RIN2: variants seen among roughly 807,000 people sequenced by gnomAD.
RIN2 encodes Ras and Rab interactor 2.
A neutral mutation model predicts 78.0 loss-of-function variants in RIN2; 36 were observed. That is an observed-to-expected ratio of 0.46 (90% confidence interval 0.35 to 0.61). RIN2 has a LOEUF of 0.61. RIN2 is among the 20% of genes least tolerant of loss of function. The pLI is 0.00. For missense variants in RIN2, 1,087 were observed against 1,159.7 expected (o/e 0.94, Z 0.91); for synonymous variants, 466 against 466.8 (o/e 1.00, Z 0.02).
intron 3 of RIN2, among the ~76,000 whole-genome samples, chr20:19,915,070 G>A (rs748514962): frequency 2.0e-5 from 3 of 152,166 alleles, no homozygotes; most frequent in African/African-American, 7.2e-5. Flanking sequence ...CTAAGATGGA[G>A]CGAATCCCAG....
chr20:19,973,513 G>C (rs1208266166), intron 8 of RIN2, among the ~76,000 whole-genome samples: 1 of 152,208 alleles, frequency 6.6e-6, no homozygotes, highest in Non-Finnish European at 1.5e-5. Flanking sequence ...TCCAGGCCAG[G>C]CACAGTGGCT....
intron 1 of RIN2, among the ~76,000 whole-genome samples, chr20:19,770,879 C>G (rs965988517): frequency 5.0e-5 from 7 of 140,460 alleles, no homozygotes; most frequent in East Asian, 4.5e-4. Context: ...CCCCACCCCC[C>G]CCCCCCACCT....
chr20:19,959,816 G>T (rs942516870), intron 5 of RIN2, among the ~76,000 whole-genome samples: 4 of 152,168 alleles, frequency 2.6e-5, no homozygotes, highest in Non-Finnish European at 1.5e-5. Flanking sequence ...ACTCCAGGGA[G>T]AGTCACTTCA....
chr20:19,959,862 T>C (rs374238932), intron 5 of RIN2, among the ~76,000 whole-genome samples: 1 of 152,166 alleles, frequency 6.6e-6, no homozygotes, highest in Non-Finnish European at 1.5e-5. Flanking sequence ...CCTGGAGTTG[T>C]GCAGTGCACG....
At chr20:19,848,480 G>A (rs8120324) in intron 2 of RIN2, among the ~76,000 whole-genome samples, 1 of 144,326 alleles carries the variant, frequency 6.9e-6, no homozygotes, top group Non-Finnish European at 1.5e-5. Context: ...AGGTTGCAGT[G>A]AGCTGAGATC....
rs140532587 is a variant in RIN2 at position 19,883,889 on chromosome 20, T to TA, written c.-36-5661dup. 5.8e-3 allele frequency among the ~76,000 whole-genome samples: 835 copies of TA among 143,784 alleles called. 3 individuals carry two copies. Among genetic ancestry groups the TA allele is most frequent in the Non-Finnish European group, 7.1e-3 (466 of 65,334 alleles). The allele number at this position is 143,784 out of a possible 152,430, so 94.3% of individuals were successfully genotyped here. A position where few individuals can be genotyped will look rare whatever the true frequency, so the allele number is the denominator to read the frequency against. ...ACCACCGCACCTCACACCACCTTGT[T>TA]AAAAAAAAAAAAAAAAGGTTACTCT... On this transcript the variant is annotated intron_variant, in intron 2 of 12. Coordinates refer to ENST00000255006, the MANE Select transcript of RIN2 (RefSeq NM_018993.4).
chr20:19,986,527 C>T (rs1263035057), intron 9 of RIN2, among the ~76,000 whole-genome samples: 1 of 152,152 alleles, frequency 6.6e-6, no homozygotes, highest in African/African-American at 2.4e-5. Flanking sequence ...TTTCCACAGC[C>T]CCTTTTATAC....
At chr20:19,901,161 T>C (rs908151404) in intron 3 of RIN2, among the ~76,000 whole-genome samples, 3 of 152,120 alleles carry the variant, frequency 2.0e-5, no homozygotes, top group Non-Finnish European at 4.4e-5. Context: ...CCTAGCTTCA[T>C]GTCCTTCTCT....
At chr20:19,757,730 G>A (rs2033428466), upstream of RIN2, 1 of 152,372 alleles carries the variant, frequency 6.6e-6, no homozygotes, top group Non-Finnish European at 1.5e-5. Flanking sequence ...GCTCGTTATG[G>A]GAAAGGGGTG....
At chr20:19,916,299 A>T (rs1310200232) in intron 3 of RIN2, among the ~76,000 whole-genome samples, 1 of 152,200 alleles carries the variant, frequency 6.6e-6, no homozygotes, top group South Asian at 2.1e-4. Context: ...TGTCCCCAGG[A>T]ACACTGCTTT....
At position 19,974,848 on chromosome 20, in the gene RIN2, C is replaced by T; in HGVS notation, c.823C>T (p.Leu275Phe). 1.2e-6 allele frequency: 2 copies of T among 1,613,998 alleles called. No homozygotes were observed. The highest frequency in any genetic ancestry group is 1.7e-6 in the Non-Finnish European group (2 of 1,179,900). The change falls in exon 9 of 13, where the codon CTT becomes TTT. Residue 275 changes from leucine (L) to phenylalanine (F), a missense_variant. Leu to Phe is a conservative substitution (Grantham distance 22, BLOSUM62 0). This residue lies in a region of RIN2 where 706 missense variants were observed against 667.5 expected (regional missense o/e 1.06). Coordinates refer to ENST00000255006, the MANE Select transcript of RIN2 (RefSeq NM_018993.4). ...TNGALCFINP[L>F]FLKVHSQDLS... ...CGGGGCCCTGTGCTTTATTAATCCC[C>T]TTTTCTTGAAAGTGCACAGCCAGGA...
chr20:19,923,451 A>T (rs910659790), intron 3 of RIN2, among the ~76,000 whole-genome samples: 2 of 128,162 alleles, frequency 1.6e-5, no homozygotes, highest in Non-Finnish European at 3.2e-5. Context: ...AAATAAAATA[A>T]AATAAAATAA....
chr20:19,796,150 A>G (rs889534487), intron 1 of RIN2, among the ~76,000 whole-genome samples: 5 of 152,256 alleles, frequency 3.3e-5, no homozygotes, highest in African/African-American at 1.2e-4. Flanking sequence ...GCACGTACAC[A>G]TCCAGGAGGA....
At chr20:19,883,699 A>T (rs982563384) in intron 2 of RIN2, among the ~76,000 whole-genome samples, 1 of 152,086 alleles carries the variant, frequency 6.6e-6, no homozygotes, top group Non-Finnish European at 1.5e-5. Flanking sequence ...TCGGGTGGTC[A>T]CATGGCCAGT....
chr20:19,957,534 C>T (rs1239770600), intron 5 of RIN2, among the ~76,000 whole-genome samples: 1 of 151,960 alleles, frequency 6.6e-6, no homozygotes. Flanking sequence ...AAAATTAGCC[C>T]GGTGTGGTGG....
chr20:19,972,030 C>T (rs951434348), intron 8 of RIN2, among the ~76,000 whole-genome samples: 12 of 152,204 alleles, frequency 7.9e-5, no homozygotes, highest in African/African-American at 2.7e-4. Context: ...GCGTGCGCCA[C>T]TGTGCTCGGC....
At chr20:19,946,861 T>A (rs1393796179) in intron 4 of RIN2, among the ~76,000 whole-genome samples, 2 of 151,866 alleles carry the variant, frequency 1.3e-5, no homozygotes, top group African/African-American at 4.8e-5. Flanking sequence ...CAAAACTCTG[T>A]CTCTACTAAA....
At chr20:19,849,025 G>T (rs898535745) in intron 2 of RIN2, among the ~76,000 whole-genome samples, 1 of 152,100 alleles carries the variant, frequency 6.6e-6, no homozygotes, top group Non-Finnish European at 1.5e-5. Context: ...CCGTACAATG[G>T]TCACTACCTT....
Position 19,990,050 on chromosome 20 carries a change from C to A in RIN2, c.1807C>A (p.Leu603Ile). 1 of 1,599,988 alleles carries A rather than the reference C, an allele frequency of 6.3e-7. No individual in the cohort carries two copies. The highest frequency in any genetic ancestry group is 2.3e-5 in the East Asian group (1 of 44,432). ...KAMHKCILKP[L>I]KGHVEAMLKD... ...CATGCACAAGTGCATCTTGAAGCCC[C>A]TCAAGGGGCACGTGGAGGCCATGCT... The change falls in exon 10 of 13, where the codon CTC becomes ATC. Residue 603 changes from leucine (L) to isoleucine (I), a missense_variant. By Grantham distance (5) the Leu-to-Ile change is conservative (BLOSUM62 2). Around this residue, in one of 8 missense-constraint regions of RIN2, gnomAD observed 97 missense variants for 104.8 expected, o/e 0.93. Transcript: ENST00000255006.
Sources: allele counts gnomAD v4.1 joint callset (sites outside exome capture counted in the v4.1 genomes callset), GRCh38; gene constraint gnomAD v4.1.1; regional missense constraint gnomAD v4.1.1; transcripts MANE v1.5; gene names NCBI Gene and HGNC (gene_info 2026-07-23, HGNC 2026-07-21).